The following NKAIN3 variants were observed in gnomAD, a reference collection of about 807,000 sequenced individuals.
NKAIN3 encodes the protein sodium/potassium transporting ATPase interacting 3, also known as sodium/potassium-transporting ATPase subunit beta-1-interacting protein 3.
Under a neutral mutation model 30.2 loss-of-function variants are expected in NKAIN3, and 25 were observed. The observed-to-expected ratio is 0.83, with a 90% CI of 0.60 to 1.16. NKAIN3 has a LOEUF of 1.16. Ranked by LOEUF, NKAIN3 falls within the 50% of genes most tolerant of loss-of-function variation. NKAIN3 has a pLI of 0.00. For synonymous variants in NKAIN3, 91 were observed against 89.6 expected (o/e 1.02, Z -0.09); for missense variants, 225 against 254.1 (o/e 0.89, Z 0.78).
intron 1 of NKAIN3, among the ~76,000 whole-genome samples, chr8:62,503,843 G>A (rs1036735050): frequency 1.3e-5 from 2 of 151,998 alleles, no homozygotes; most frequent in African/African-American, 2.4e-5. Context: ...CATTTTCAAG[G>A]TGCACTGATT....
At chr8:62,892,606 A>C (rs1821325823) in intron 4 of NKAIN3, among the ~76,000 whole-genome samples, 1 of 152,240 alleles carries the variant, frequency 6.6e-6, no homozygotes, top group Non-Finnish European at 1.5e-5. Flanking sequence ...TTCAATAATA[A>C]ATTCAAATAT....
intron 1 of NKAIN3, among the ~76,000 whole-genome samples, chr8:62,559,584 T>C (rs1361775486): frequency 1.3e-5 from 2 of 152,060 alleles, no homozygotes; most frequent in African/African-American, 2.4e-5. Flanking sequence ...TCTCCATGCA[T>C]AGCTTTTTTA....
At chr8:62,288,601 A>T (rs530514138) in intron 1 of NKAIN3, among the ~76,000 whole-genome samples, 8 of 152,292 alleles carry the variant, frequency 5.3e-5, no homozygotes, top group African/African-American at 1.9e-4. Context: ...ATAGTATTCC[A>T]TGGTGTGTAT....
At chr8:62,318,356 G>T (rs558893814) in intron 1 of NKAIN3, among the ~76,000 whole-genome samples, 2 of 152,104 alleles carry the variant, frequency 1.3e-5, no homozygotes, top group Non-Finnish European at 2.9e-5. Context: ...GTGGTGAGAG[G>T]GCATCCCTGT....
intron 3 of NKAIN3, among the ~76,000 whole-genome samples, chr8:62,693,087 T>A (rs1814033834): frequency 6.6e-6 from 1 of 152,142 alleles, no homozygotes; most frequent in Non-Finnish European, 1.5e-5. Flanking sequence ...AGGTCCTGAG[T>A]CAGTTATATT....
chr8:62,469,550 C>T (rs114590147), intron 1 of NKAIN3, among the ~76,000 whole-genome samples: 4,934 of 152,158 alleles, frequency 0.032, 298 homozygotes, highest in African/African-American at 0.11. Flanking sequence ...TCAAGACTGG[C>T]GCCCAATAAG....
At chr8:62,857,021 T>C in intron 4 of NKAIN3, 1 of 513,748 alleles carries the variant, frequency 1.9e-6, no homozygotes, top group Non-Finnish European at 3.9e-6. Context: ...TTCAAGGTTC[T>C]CTTCTTGTTC....
At position 62,964,135 on chromosome 8, in the gene NKAIN3, G is replaced by A. The variant is rs528986104; in HGVS notation, c.604-1219G>A. On this transcript the variant is annotated intron_variant, in intron 6 of 6. Coordinates refer to ENST00000623646, the MANE Select transcript of NKAIN3 (RefSeq NM_001304533.3). ...CCTGGATGCCACCAGCTGACATGGG[G>A]AAGAGCTGATAGCCTGAGAGTTGCT... Among the ~76,000 whole-genome samples, 4 of 152,328 alleles carry A rather than the reference G, an allele frequency of 2.6e-5. No homozygotes were observed. In the East Asian group the frequency reaches 7.7e-4, roughly 29 times the overall value.
intron 5 of NKAIN3, among the ~76,000 whole-genome samples, chr8:62,991,875 T>C (rs1035135650): frequency 1.3e-5 from 2 of 152,124 alleles, no homozygotes; most frequent in Admixed American, 6.5e-5. Context: ...TCAAGCAATT[T>C]CCTTGAGTTG....
intron 4 of NKAIN3, among the ~76,000 whole-genome samples, chr8:62,809,065 A>T (rs1261788853): frequency 6.6e-6 from 1 of 152,114 alleles, no homozygotes; most frequent in Non-Finnish European, 1.5e-5. Flanking sequence ...GAATTCAGTG[A>T]TATTTCTCCT....
intron 5 of NKAIN3, 39 bp from the exon 6 acceptor site, chr8:62,953,863 T>C: frequency 1.6e-6 from 1 of 642,692 alleles, no homozygotes; most frequent in Non-Finnish European, 1.9e-6. Context: ...ATGTGTATTT[T>C]TTACACACTT....
At chr8:62,565,474 T>G (rs894604585) in intron 1 of NKAIN3, among the ~76,000 whole-genome samples, 4 of 152,132 alleles carry the variant, frequency 2.6e-5, no homozygotes, top group Non-Finnish European at 4.4e-5. Context: ...ATTATTTTCC[T>G]GATTTTACAG....
chr8:62,662,567 T>G (rs900966701), intron 3 of NKAIN3, among the ~76,000 whole-genome samples: 3 of 152,250 alleles, frequency 2.0e-5, no homozygotes, highest in African/African-American at 7.2e-5. Context: ...TAGAATCTTT[T>G]GAATCATTCT....
At chr8:62,859,997 C>T (rs373829714) in intron 4 of NKAIN3, among the ~76,000 whole-genome samples, 2 of 152,112 alleles carry the variant, frequency 1.3e-5, no homozygotes, top group African/African-American at 4.8e-5. Flanking sequence ...AATTGTGGAG[C>T]CAGACTGTGT....
intron 3 of NKAIN3, among the ~76,000 whole-genome samples, chr8:62,734,680 A>T (rs1332749633): frequency 6.6e-6 from 1 of 152,254 alleles, no homozygotes; most frequent in African/African-American, 2.4e-5. Context: ...CGGAAAGGAG[A>T]ATGTTTTGAG....
intron 1 of NKAIN3, among the ~76,000 whole-genome samples, chr8:62,515,930 G>T (rs1807971845): frequency 6.6e-6 from 1 of 152,020 alleles, no homozygotes; most frequent in South Asian, 2.1e-4. Flanking sequence ...CTTGATTTGG[G>T]GGTATTTCCT....
At chr8:62,493,266 T>C (rs1376106457) in intron 1 of NKAIN3, among the ~76,000 whole-genome samples, 1 of 152,150 alleles carries the variant, frequency 6.6e-6, no homozygotes, top group Admixed American at 6.5e-5. Flanking sequence ...CCCAGAACCA[T>C]TTATTGAATA....
At chr8:62,304,401 T>C (rs1814155144) in intron 1 of NKAIN3, among the ~76,000 whole-genome samples, 1 of 150,476 alleles carries the variant, frequency 6.6e-6, no homozygotes, top group Non-Finnish European at 1.5e-5. Context: ...AAAGTAGTCA[T>C]CTACATGCTT....
At chr8:62,964,051 T>C (rs575117820) in intron 6 of NKAIN3, among the ~76,000 whole-genome samples, 4 of 152,132 alleles carry the variant, frequency 2.6e-5, no homozygotes, top group Non-Finnish European at 5.9e-5. Context: ...GGAATGATGC[T>C]TATAATTTAG....
Sources: gnomAD v4.1 joint callset for allele counts (sites outside exome capture counted in the v4.1 genomes callset) on GRCh38, gnomAD v4.1.1 for gene constraint, MANE v1.5 for transcripts, NCBI Gene and HGNC (gene_info 2026-07-23, HGNC 2026-07-21) for gene names.